Variants in KIAA1671 observed in about 807,000 individuals in gnomAD.
KIAA1671 encodes KIAA1671.
In KIAA1671, 52 loss-of-function variants were observed where a neutral mutation model predicts 131.2. That is an observed-to-expected ratio of 0.40 (90% confidence interval 0.32 to 0.50). The LOEUF (loss-of-function observed/expected upper bound fraction) is 0.50, where lower values mean the gene tolerates loss of function less well. Ranked by LOEUF, KIAA1671 falls within the 20% of genes least tolerant of loss-of-function variation. The probability of loss-of-function intolerance (pLI) is 0.73; values close to 1 mark genes in which losing one functional copy is unlikely to be tolerated. For missense variants in KIAA1671, 2,360 were observed against 2,364.2 expected, an observed-to-expected ratio of 1.00 and a Z score of 0.04; for synonymous variants, 1,003 against 961.6, an observed-to-expected ratio of 1.04 and a Z score of -0.80.
rs974312586 is a variant in KIAA1671, at chr22:25,029,415, G to A, written c.1416G>A (p.Pro472=). ...CGTCCCCATCGGCGGCACCAGAGCC[G>A]GAGAAAGGGGTTGTGAGCGTTCAGG... ...TPASPSAAPE[P]EKGVVSVQER... The change falls in exon 3 of 13, where the codon CCG becomes CCA. Residue 472 remains proline, a synonymous_variant. Coordinates refer to ENST00000358431, the MANE Select transcript of KIAA1671 (RefSeq NM_001145206.2). 170 of 1,551,416 alleles carry A rather than the reference G, an allele frequency of 1.1e-4. No homozygotes were observed. The highest frequency in any genetic ancestry group is 9.7e-4 in the African/African-American group (71 of 73,182).
intron 1 of KIAA1671, among the ~76,000 whole-genome samples, chr22:24,976,621 G>A (rs1434874178): frequency 1.3e-5 from 2 of 152,176 alleles, no homozygotes; most frequent in African/African-American, 2.4e-5. Context: ...GGCTGGTCGC[G>A]ACATGAAGAT....
At chr22:25,079,261 G>T (rs1012081502) in intron 6 of KIAA1671, among the ~76,000 whole-genome samples, 8 of 150,604 alleles carry the variant, frequency 5.3e-5, no homozygotes, top group Middle Eastern at 6.9e-3. Flanking sequence ...ATGGAGTCTC[G>T]CTCTGTCGCC....
chr22:25,040,652 T>C lies in KIAA1671; in HGVS notation c.3522T>C (p.Pro1174=). ...TGAGGAGTCGTCCAAAAGATCTTCC[T>C]GTGAGAAGGAAGACTGATGTGATCA... is the stretch of plus-strand genomic sequence containing the variant. ...PTLRSRPKDL[P]VRRKTDVISD... The change falls in exon 5 of 13, where the codon CCT becomes CCC. Residue 1174 remains proline, a synonymous_variant. Coordinates refer to ENST00000358431, the MANE Select transcript of KIAA1671 (RefSeq NM_001145206.2). The C allele has an allele frequency of 1.9e-6, 3 of 1,552,024 alleles. No individual in the cohort carries two copies. Among genetic ancestry groups the C allele is most frequent in the Non-Finnish European group, 2.6e-6 (3 of 1,147,076 alleles).
chr22:25,001,978 C>T (rs569193182), intron 1 of KIAA1671, among the ~76,000 whole-genome samples: 1 of 151,928 alleles, frequency 6.6e-6, no homozygotes, highest in East Asian at 1.9e-4. Flanking sequence ...TATACATATA[C>T]AGACATACAT....
Position 25,039,235 on chromosome 22 carries a change from G to A in KIAA1671, c.2105G>A (p.Arg702Gln), listed in dbSNP as rs951627636. The change falls in exon 5 of 13, where the codon CGG becomes CAG. Residue 702 changes from arginine (R) to glutamine (Q), a missense_variant. By Grantham distance (43) the Arg-to-Gln change is conservative (BLOSUM62 1). Transcript: ENST00000358431. ...GELRPYHTPL[R>Q]DKYPLSENHN... ...CTGAGACCGTATCACACGCCTCTCC[G>A]GGACAAATACCCTTTGTCTGAAAAC... is the stretch of plus-strand genomic sequence containing the variant. 2.5e-5 allele frequency: 39 copies of A among 1,552,218 alleles called. No homozygotes were observed. The highest frequency in any genetic ancestry group is 3.9e-5 in the Admixed American group (2 of 50,998).
chr22:25,151,164 C>G (rs1040079627), intron 6 of KIAA1671, among the ~76,000 whole-genome samples: 2 of 151,846 alleles, frequency 1.3e-5, no homozygotes, highest in South Asian at 4.2e-4. Context: ...ATTACTCAAG[C>G]AAACCATGCC....
rs1431309361 is a variant in KIAA1671, at chr22:25,038,900, A to C, written c.1770A>C (p.Ser590=). 4.5e-6 allele frequency: 7 copies of C among 1,551,612 alleles called. No individual in the cohort carries two copies. The highest frequency in any genetic ancestry group is 6.1e-6 in the Non-Finnish European group (7 of 1,147,014). The change falls in exon 5 of 13, where the codon TCA becomes TCC. Residue 590 remains serine, a synonymous_variant. Transcript: ENST00000358431. ...QDPDSCRGGS[S]VEAPCPSDVT... Reference sequence around the variant, plus strand: ...CCGACAGCTGTCGCGGTGGAAGCTCAGTGGAGGCCCCGTGCCCTTCTGACG... The same window carrying C: ...CCGACAGCTGTCGCGGTGGAAGCTCCGTGGAGGCCCCGTGCCCTTCTGACG...
Position 25,196,829 on chromosome 22 carries a change from T to C in KIAA1671, c.*4428T>C, listed in dbSNP as rs1439472119. The C allele has an allele frequency of 6.6e-6, 1 of 152,114 alleles. No individual in the cohort carries two copies. The highest frequency in any genetic ancestry group is 1.5e-5 in the Non-Finnish European group (1 of 68,030). 9.4% of individuals were successfully genotyped at this position (152,114 alleles called of 1,614,324 possible). ...AAGTAATATATTGTGTTATGGAAGA[T>C]AATTTTGTACTGTGCTGTTTCCTAA... On this transcript the variant is annotated 3_prime_UTR_variant, in exon 13 of 13. Transcript: ENST00000358431.
At chr22:24,960,162 T>TA (rs766198485) in intron 1 of KIAA1671, among the ~76,000 whole-genome samples, 1 of 146,806 alleles carries the variant, frequency 6.8e-6, no homozygotes, top group Non-Finnish European at 1.5e-5. Context: ...AATAAATAAA[T>TA]AAATAAAATA....
At chr22:25,168,448 C>T (rs1002670331) in intron 6 of KIAA1671, among the ~76,000 whole-genome samples, 1 of 152,142 alleles carries the variant, frequency 6.6e-6, no homozygotes, top group Non-Finnish European at 1.5e-5. Flanking sequence ...CCCAGCACTG[C>T]GGGAGGCCGA....
chr22:24,993,416 C>A (rs1297890022), intron 1 of KIAA1671, among the ~76,000 whole-genome samples: 1 of 152,216 alleles, frequency 6.6e-6, no homozygotes, highest in Non-Finnish European at 1.5e-5. Flanking sequence ...CTGTTCCTTC[C>A]ATGCCCCAAG....
chr22:25,069,534 G>A (rs1007045792), intron 6 of KIAA1671, among the ~76,000 whole-genome samples: 3 of 152,268 alleles, frequency 2.0e-5, no homozygotes, highest in Non-Finnish European at 2.9e-5. Context: ...AGGAGTGGAC[G>A]GGCCCAGGAA....
intron 1 of KIAA1671, among the ~76,000 whole-genome samples, chr22:24,966,640 G>A (rs763761640): frequency 2.6e-5 from 4 of 152,198 alleles, no homozygotes; most frequent in Non-Finnish European, 5.9e-5. Context: ...GGCAATGAGA[G>A]AGAATATAGA....
At chr22:24,971,011 G>C (rs1602034421) in intron 1 of KIAA1671, among the ~76,000 whole-genome samples, 1 of 152,172 alleles carries the variant, frequency 6.6e-6, no homozygotes, top group Admixed American at 6.5e-5. Flanking sequence ...AGGCTGGAGT[G>C]CAATGGTGTG....
chr22:24,966,638 G>C (rs1286679303), intron 1 of KIAA1671, among the ~76,000 whole-genome samples: 1 of 152,190 alleles, frequency 6.6e-6, no homozygotes, highest in Non-Finnish European at 1.5e-5. Context: ...TAGGCAATGA[G>C]AGAGAATATA....
chr22:25,086,648 T>A (rs1420036171), intron 6 of KIAA1671, among the ~76,000 whole-genome samples: 1 of 152,134 alleles, frequency 6.6e-6, no homozygotes, highest in Non-Finnish European at 1.5e-5. Flanking sequence ...CCCCGTCCCA[T>A]CCACCCAACC....
intron 6 of KIAA1671, chr22:25,054,572 G>C (rs1430412188): frequency 6.7e-6 from 1 of 149,696 alleles, no homozygotes; most frequent in Non-Finnish European, 1.5e-5. Flanking sequence ...GTGAGGTATG[G>C]GGGAGGGAGT....
chr22:25,170,929 G>A lies in KIAA1671; in HGVS notation c.4640G>A (p.Ser1547Asn). Reference sequence around the variant, plus strand: ...GGGACGTGGACAGAGCAGTGCCAGAGTGGGGAGAGGTAGGACGCGTGCGAC... The same window carrying A: ...GGGACGTGGACAGAGCAGTGCCAGAATGGGGAGAGGTAGGACGCGTGCGAC... ...QYGTWTEQCQ[S>N]GESLATESPD... Residue 1547 changes from serine to asparagine, a missense_variant, in exon 7 of 13, where the codon AGT becomes AAT. Ser to Asn is a conservative substitution (Grantham distance 46). Transcript: ENST00000358431. 1 of 1,551,666 alleles carries A rather than the reference G, an allele frequency of 6.4e-7. No individual in the cohort carries two copies. Among genetic ancestry groups the A allele is most frequent in the Non-Finnish European group, 8.7e-7 (1 of 1,146,992 alleles).
At chr22:25,064,946 C>A (rs1363745651) in intron 6 of KIAA1671, 2 of 152,196 alleles carry the variant, frequency 1.3e-5, no homozygotes, top group Non-Finnish European at 2.9e-5. Flanking sequence ...GGAAGACAGG[C>A]CATCCTCACC....
Sources: allele counts gnomAD v4.1 joint callset (sites outside exome capture counted in the v4.1 genomes callset), GRCh38; gene constraint gnomAD v4.1.1; transcripts MANE v1.5; gene names NCBI Gene and HGNC (gene_info 2026-07-23, HGNC 2026-07-21).